CES2: variants seen among roughly 807,000 people sequenced by gnomAD.
CES2 encodes cocaine esterase.
A neutral mutation model predicts 52.1 loss-of-function variants in CES2; 42 were observed. That is an observed-to-expected ratio of 0.81 (90% CI 0.63 to 1.04). The LOEUF (loss-of-function observed/expected upper bound fraction) is 1.04. Ranked by LOEUF, CES2 falls within the 50% of genes least tolerant of loss-of-function variation. The pLI, the probability that CES2 is intolerant of heterozygous loss-of-function variation, is 0.00. For missense variants in CES2, 656 were observed against 724.3 expected (o/e 0.91, Z 1.08); for synonymous variants, 277 against 289.6 (o/e 0.96, Z 0.44).
At chr16:66,937,428 C>A (rs144669133) in intron 1 of CES2, among the ~76,000 whole-genome samples, 1 of 152,180 alleles carries the variant, frequency 6.6e-6, no homozygotes. Context: ...TCTAAACAGT[C>A]ATAAACTCAC....
intron 1 of CES2, among the ~76,000 whole-genome samples, chr16:66,936,811 C>G (rs1183194141): frequency 6.6e-6 from 1 of 152,148 alleles, no homozygotes; most frequent in Non-Finnish European, 1.5e-5. Flanking sequence ...TCCTCCCGTG[C>G]CTGCCCTTGA....
rs1462687866 is a variant in CES2 at position 66,943,944 on chromosome 16, C to T, written c.1599C>T (p.His533=). The change falls in exon 12 of 12, where the codon CAC becomes CAT. Residue 533 remains histidine (H), a synonymous_variant. Transcript: ENST00000317091. The surrounding 1 kb of genome is among the most constrained non-coding windows in gnomAD (Gnocchi z 4.2). The part of the protein sequence containing the change: ...QPAVGRALKA[H]RLQFWKKALP... Reference sequence around the variant, plus strand: ...CGGTGGGCCGGGCTCTGAAGGCCCACAGGCTCCAGTTCTGGAAGAAGGCGC... The same window carrying T: ...CGGTGGGCCGGGCTCTGAAGGCCCATAGGCTCCAGTTCTGGAAGAAGGCGC... 1.2e-6 allele frequency: 2 copies of T among 1,609,564 alleles called. No individual in the cohort carries two copies. The highest frequency in any genetic ancestry group is 1.7e-6 in the Non-Finnish European group (2 of 1,176,776).
Position 66,944,837 on chromosome 16 carries a change from A to G in CES2, c.*812A>G, listed in dbSNP as rs1457089119. The G allele has an allele frequency of 6.6e-6, 1 of 152,288 alleles. No individual in the cohort carries two copies. Among genetic ancestry groups the G allele is most frequent in the Non-Finnish European group, 1.5e-5 (1 of 68,092 alleles). The allele number at this position is 152,288 out of a possible 1,614,324, so 9.4% of individuals were successfully genotyped here. ...GGTCCTCTCTTGCTAGACACACTCCATAGATCCCCCCACTGAGCTGTGGAT... is the reference window on the plus strand; with the variant it reads ...GGTCCTCTCTTGCTAGACACACTCCGTAGATCCCCCCACTGAGCTGTGGAT... On this transcript the variant is annotated 3_prime_UTR_variant, in exon 12 of 12. Coordinates refer to ENST00000317091, the MANE Select transcript of CES2 (RefSeq NM_001365405.1).
chr16:66,935,776 A>T, intron 1 of CES2, 65 bp downstream of exon 1: 2 of 1,597,672 alleles, frequency 1.3e-6, no homozygotes, highest in Non-Finnish European at 1.7e-6. Flanking sequence ...CGGAGGCAGA[A>T]CCTGACAGTG....
rs1963191503 is a variant in CES2, at chr16:66,935,721, CCT to C, written c.76+12_76+13del. 7 of 1,599,390 alleles carry C rather than the reference CCT, an allele frequency of 4.4e-6. 1 individual carries two copies. The Admixed American group carries it at 1.2e-4, about 27-fold the overall frequency. ...CTTGTCCGGGGCCAGGGTGAGGCTC[CCT>C]CGGAGGGGCGACAGGGACCGGGCTC... On this transcript the variant is annotated intron_variant, in intron 1 of 11. Coordinates refer to ENST00000317091, the MANE Select transcript of CES2 (RefSeq NM_001365405.1).
intron 8 of CES2, 29 bp from the exon 9 acceptor site, chr16:66,942,076 C>T: frequency 6.3e-7 from 1 of 1,587,898 alleles, no homozygotes; most frequent in East Asian, 2.3e-5. Context: ...TCCAGTCTAA[C>T]CTGCCTCTTC....
intron 5 of CES2, 124 bp from the exon 6 acceptor site, chr16:66,941,000 C>A: frequency 7.4e-7 from 1 of 1,358,792 alleles, no homozygotes. Flanking sequence ...AGTGTCAGAA[C>A]TGCAGGAACT....
chr16:66,942,722 A>G lies in CES2; in HGVS notation c.1357A>G (p.Met453Val), dbSNP rs1444862193. The G allele has an allele frequency of 3.7e-6, 6 of 1,614,208 alleles. No homozygotes were observed. The highest frequency in any genetic ancestry group is 1.1e-5 in the South Asian group (1 of 91,088). Residue 453 changes from methionine (M) to valine (V), a missense_variant, in exon 10 of 12, where the codon ATG becomes GTG. Transcript: ENST00000317091. Reference sequence around the variant, plus strand: ...GCTCAAGAACATCAGGCCACCGCACATGAAGGCAGACCATGGTGATGAGCT... The same window carrying G: ...GCTCAAGAACATCAGGCCACCGCACGTGAAGGCAGACCATGGTGATGAGCT... ...SWLKNIRPPH[M>V]KADHGDELPF...
At chr16:66,939,961 A>C (rs1963315042) in intron 3 of CES2, among the ~76,000 whole-genome samples, 1 of 152,130 alleles carries the variant, frequency 6.6e-6, no homozygotes, top group Non-Finnish European at 1.5e-5. Context: ...CATCAGGGAG[A>C]CACCCCTTTT....
chr16:66,943,428 G>T lies in CES2; in HGVS notation c.1493+57G>T. 1 of 1,587,736 alleles carries T rather than the reference G, an allele frequency of 6.3e-7. No homozygotes were observed. Among genetic ancestry groups the T allele is most frequent in the Non-Finnish European group, 8.6e-7 (1 of 1,156,966 alleles). The stretch of plus-strand genomic sequence containing the variant: ...CGATTGGGGGACTTGTGCCCATCCA[G>T]TGCTCTCCTAGTCTGGGGTGACCTC... On this transcript the variant is annotated intron_variant, in intron 11 of 11. Coordinates refer to ENST00000317091, the MANE Select transcript of CES2 (RefSeq NM_001365405.1). The surrounding 1 kb of genome is among the most constrained non-coding windows in gnomAD (Gnocchi z 4.2).
chr16:66,941,124 G>C lies in CES2; in HGVS notation c.817G>C (p.Val273Leu). ...CAGCCCCTGCCTGGTCCCTTTACAG[G>C]TGGTGGCCAACCTGTCTGCCTGTGA... ...IASSADVIST[V>L]VANLSACDQV... The change falls in exon 6 of 12, where the codon GTG (valine) becomes CTG (leucine). Residue 273 changes from valine to leucine, a missense_variant and splice_region_variant. Physicochemically the swap from Val to Leu is conservative, Grantham distance 32 (BLOSUM62 1). Coordinates refer to ENST00000317091, the MANE Select transcript of CES2 (RefSeq NM_001365405.1). 6.2e-7 allele frequency: 1 copy of C among 1,614,002 alleles called. No individual in the cohort carries two copies. Among genetic ancestry groups the C allele is most frequent in the Non-Finnish European group, 8.5e-7 (1 of 1,179,980 alleles).
upstream of CES2, chr16:66,934,859 C>T (rs1414105722): frequency 1.2e-5 from 2 of 162,536 alleles, no homozygotes; most frequent in Non-Finnish European, 2.7e-5. This position sits in a 1 kb window ranked among gnomAD's most constrained non-coding sequence, Gnocchi z 4.1. Flanking sequence ...CCGGCAGGGG[C>T]TCGTGAAATG....
At chr16:66,942,397 C>A in intron 9 of CES2, 148 bp downstream of exon 9, 1 of 936,450 alleles carries the variant, frequency 1.1e-6, no homozygotes, top group Non-Finnish European at 1.6e-6. Flanking sequence ...ATCCTCATGG[C>A]TAGCCCAAGA....
At chr16:66,942,316 C>A in intron 9 of CES2, 67 bp downstream of exon 9, 1 of 1,508,106 alleles carries the variant, frequency 6.6e-7, no homozygotes, top group East Asian at 2.3e-5. Flanking sequence ...CCAGGTGAGA[C>A]CTGCTGCTGT....
Position 66,943,519 on chromosome 16 carries a change from G to C in CES2, c.1493+148G>C. ...CCCAGCTCCGGGACCCACTCAGACA[G>C]GGTGGGGGTGCGTGGGGCAGTGGAC... On this transcript the variant is annotated intron_variant, in intron 11 of 11. Transcript: ENST00000317091. The surrounding 1 kb of genome is among the most constrained non-coding windows in gnomAD (Gnocchi z 4.2). 1.2e-6 allele frequency: 1 copy of C among 805,408 alleles called. No individual in the cohort carries two copies. Among genetic ancestry groups the C allele is most frequent in the South Asian group, 1.7e-5 (1 of 60,378 alleles). The allele number at this position is 805,408 out of a possible 1,614,324, so 49.9% of individuals were successfully genotyped here. A position where few individuals can be genotyped will look rare whatever the true frequency, so the allele number is the denominator to read the frequency against.
rs1344380908 is a variant in CES2, at chr16:66,944,258, C to T, written c.*233C>T. 2 of 319,404 alleles carry T rather than the reference C, an allele frequency of 6.3e-6. No homozygotes were observed. Among genetic ancestry groups the T allele is most frequent in the Non-Finnish European group, 5.6e-6 (1 of 179,216 alleles). The allele number at this position is 319,404 out of a possible 1,614,324, so 19.8% of individuals were successfully genotyped here. A position where few individuals can be genotyped will look rare whatever the true frequency, so the allele number is the denominator to read the frequency against. ...ATGAGATGGGAGGATGGCTTGAGGC[C>T]AGAGGTTTGAGACCGACCAGCCAGG... On this transcript the variant is annotated 3_prime_UTR_variant, in exon 12 of 12. Coordinates refer to ENST00000317091, the MANE Select transcript of CES2 (RefSeq NM_001365405.1).
intron 2 of CES2, among the ~76,000 whole-genome samples, 157 bp from the exon 3 acceptor site, chr16:66,939,060 T>C (rs11568308): frequency 7.7e-4 from 118 of 152,282 alleles, no homozygotes; most frequent in Non-Finnish European, 1.5e-3. Flanking sequence ...CCAGAGCCTG[T>C]GGCCTGTAAC....
At chr16:66,938,490 G>A (rs1379357739) in intron 2 of CES2, 2 of 554,734 alleles carry the variant, frequency 3.6e-6, no homozygotes, top group South Asian at 2.2e-5. Context: ...CGAAGGGAGG[G>A]GCAGACACAC....
chr16:66,940,572 C>T lies in CES2; in HGVS notation c.693C>T (p.Gly231=). ...RVTIFGESAG[G]TSVSSLVVSP... is the part of the protein sequence containing the mutation. ...CCATTTTTGGCGAGTCTGCGGGTGG[C>T]ACGAGTGTGTCTTCGCTTGTTGTGT... The change falls in exon 5 of 12, where the codon GGC becomes GGT. Residue 231 remains glycine (G), a synonymous_variant. Transcript: ENST00000317091. The T allele has an allele frequency of 1.9e-6, 3 of 1,614,234 alleles. No homozygotes were observed. Among genetic ancestry groups the T allele is most frequent in the Non-Finnish European group, 2.5e-6 (3 of 1,180,038 alleles).
Sources: allele counts gnomAD v4.1 joint callset (sites outside exome capture counted in the v4.1 genomes callset), GRCh38; gene constraint gnomAD v4.1.1; non-coding constraint Gnocchi (gnomAD v3.1); transcripts MANE v1.5; gene names NCBI Gene and HGNC (gene_info 2026-07-23, HGNC 2026-07-21).